The following KCNIP4 variants were observed in gnomAD, a reference collection of about 807,000 sequenced individuals.
The protein encoded by KCNIP4 is Kv channel-interacting protein 4.
Under a neutral mutation model 34.0 loss-of-function variants are expected in KCNIP4, and 12 were observed. The ratio of observed to expected loss-of-function variants is 0.35; its 90% CI spans 0.23 to 0.57. The LOEUF (loss-of-function observed/expected upper bound fraction) is 0.57. Ranked by LOEUF, KCNIP4 falls within the 20% of genes least tolerant of loss-of-function variation. The probability of loss-of-function intolerance (pLI) is 0.83; values close to 1 mark genes in which losing one functional copy is unlikely to be tolerated. For synonymous variants in KCNIP4, 124 were observed against 102.2 expected, an observed-to-expected ratio of 1.21 and a Z score of -1.29; for missense variants, 238 against 311.7, an observed-to-expected ratio of 0.76 and a Z score of 1.78.
intron 1 of KCNIP4, among the ~76,000 whole-genome samples, chr4:21,200,157 T>C (rs1756360902): frequency 1.3e-5 from 2 of 151,928 alleles, no homozygotes; most frequent in South Asian, 4.2e-4. Context: ...AACCTGCACA[T>C]TGTGCACATG....
At chr4:20,753,610 A>G (rs767114409) in intron 4 of KCNIP4, among the ~76,000 whole-genome samples, 9 of 152,162 alleles carry the variant, frequency 5.9e-5, no homozygotes, top group Admixed American at 2.0e-4. Context: ...ATTGAATTCA[A>G]GCACGAGGAA....
At chr4:20,936,323 C>G (rs1010013722) in intron 1 of KCNIP4, among the ~76,000 whole-genome samples, 16 of 152,094 alleles carry the variant, frequency 1.1e-4, no homozygotes, top group African/African-American at 3.9e-4. Context: ...CTACCTAACA[C>G]AACCATAGTA....
At chr4:21,714,236 A>G (rs1713970990) in intron 1 of KCNIP4, among the ~76,000 whole-genome samples, 1 of 152,124 alleles carries the variant, frequency 6.6e-6, no homozygotes, top group South Asian at 2.1e-4. Context: ...AAAGGCTCCT[A>G]GTGGTAAGTT....
rs184329559 is a variant in KCNIP4, at chr4:21,472,825, T to C, written c.61+475746A>G. Among the ~76,000 whole-genome samples the C allele has an allele frequency of 7.8e-3, 1,193 of 152,212 alleles. 13 individuals are homozygous for C. Among genetic ancestry groups the C allele is most frequent in the African/African-American group, 0.028 (1,148 of 41,490 alleles). On this transcript the variant is annotated intron_variant, in intron 1 of 8. Transcript: ENST00000382152. Reference sequence around the variant, plus strand: ...TTTTTCTCCTCTTCTGCAAAATGAGTGTTAAAAATCCCTATATTCTAAGAT... The same window carrying C: ...TTTTTCTCCTCTTCTGCAAAATGAGCGTTAAAAATCCCTATATTCTAAGAT...
In KCNIP4 at chr4:21,342,756, G is replaced by T. The variant is rs76921847; in HGVS notation, c.62-460047C>A. 8.5e-3 allele frequency among the ~76,000 whole-genome samples: 1,293 copies of T among 152,016 alleles called. 31 individuals carry two copies. Among genetic ancestry groups the T allele is most frequent in the African/African-American group, 0.029 (1,219 of 41,490 alleles). On this transcript the variant is annotated intron_variant, in intron 1 of 8. Transcript: ENST00000382152. The stretch of plus-strand genomic sequence containing the variant: ...AGCTTGCTATATCCCCTACAGGAAA[G>T]AAAAAAATCCTGCCACTTACGTATA...
At chr4:21,799,088 G>A (rs530623670) in intron 1 of KCNIP4, among the ~76,000 whole-genome samples, 4 of 152,088 alleles carry the variant, frequency 2.6e-5, no homozygotes, top group African/African-American at 9.6e-5. Flanking sequence ...GAAAGTATGA[G>A]CATACTAAGA....
intron 1 of KCNIP4, among the ~76,000 whole-genome samples, chr4:20,956,427 C>T (rs984550821): frequency 2.0e-5 from 3 of 151,986 alleles, no homozygotes; most frequent in Non-Finnish European, 4.4e-5. Flanking sequence ...ATGGCATAAA[C>T]CCGGGAGGTG....
At chr4:21,039,107 C>A (rs1434517397) in intron 1 of KCNIP4, among the ~76,000 whole-genome samples, 2 of 152,110 alleles carry the variant, frequency 1.3e-5, no homozygotes, top group Non-Finnish European at 2.9e-5. Context: ...TGCCTGTAAT[C>A]CCAGCACTTT....
intron 1 of KCNIP4, among the ~76,000 whole-genome samples, chr4:21,928,847 A>T (rs540816873): frequency 6.6e-6 from 1 of 151,814 alleles, no homozygotes; most frequent in East Asian, 2.0e-4. Context: ...AAGAGACTCA[A>T]TACCCCATAT....
chr4:21,849,335 T>A (rs1724224506), intron 1 of KCNIP4: 1 of 152,174 alleles, frequency 6.6e-6, no homozygotes. Context: ...TGAACCACTG[T>A]GTTAGCACGT....
At chr4:21,209,639 C>T (rs1037279952) in intron 1 of KCNIP4, among the ~76,000 whole-genome samples, 3 of 152,144 alleles carry the variant, frequency 2.0e-5, no homozygotes, top group South Asian at 4.1e-4. Context: ...ATCTATCTAT[C>T]TATCATATCT....
intron 3 of KCNIP4, among the ~76,000 whole-genome samples, chr4:20,838,671 G>C (rs963055976): frequency 6.6e-6 from 1 of 152,126 alleles, no homozygotes; most frequent in Non-Finnish European, 1.5e-5. Flanking sequence ...CCAGTTTATA[G>C]GATATAGATG....
At chr4:20,820,805 C>A (rs928973143) in intron 3 of KCNIP4, among the ~76,000 whole-genome samples, 1 of 152,154 alleles carries the variant, frequency 6.6e-6, no homozygotes, top group African/African-American at 2.4e-5. Context: ...AATTTCTGCT[C>A]CACCCATTCC....
rs961794316 is a variant in KCNIP4, at chr4:21,759,937, G to A, written c.61+188634C>T. Among the ~76,000 whole-genome samples the A allele has an allele frequency of 1.3e-5, 2 of 151,856 alleles. 1 individual carries two copies. Among genetic ancestry groups the A allele is most frequent in the South Asian group, 4.2e-4 (2 of 4,814 alleles). On this transcript the variant is annotated intron_variant, in intron 1 of 8. Transcript: ENST00000382152. ...GCTCCTTTAGATTTCTGCTCTCAATGTCTTTGCTCTTCTTTCTATTTTCAT... is the reference window on the plus strand; with the variant it reads ...GCTCCTTTAGATTTCTGCTCTCAATATCTTTGCTCTTCTTTCTATTTTCAT...
intron 1 of KCNIP4, among the ~76,000 whole-genome samples, chr4:21,443,523 T>C (rs1475534022): frequency 2.0e-5 from 3 of 152,238 alleles, no homozygotes; most frequent in Non-Finnish European, 4.4e-5. Flanking sequence ...ATGGGTCGAC[T>C]ATACCCAATC....
chr4:20,787,803 TTTA>T (rs1212344875), intron 3 of KCNIP4, among the ~76,000 whole-genome samples: 3 of 152,144 alleles, frequency 2.0e-5, no homozygotes, highest in African/African-American at 7.2e-5. Flanking sequence ...TCCAGCATAA[TTTA>T]TTTTTAATTG....
intron 1 of KCNIP4, among the ~76,000 whole-genome samples, chr4:21,937,706 T>C (rs1729939694): frequency 6.6e-6 from 1 of 152,138 alleles, no homozygotes; most frequent in Non-Finnish European, 1.5e-5. Context: ...GGTAAATGTA[T>C]GCCACCCAAC....
At chr4:21,458,359 T>C (rs1046785493) in intron 1 of KCNIP4, among the ~76,000 whole-genome samples, 5 of 151,890 alleles carry the variant, frequency 3.3e-5, no homozygotes, top group African/African-American at 1.2e-4. Context: ...TTCCATGGTG[T>C]ATATGTGCCA....
intron 1 of KCNIP4, among the ~76,000 whole-genome samples, chr4:21,667,282 G>A (rs1256082065): frequency 6.6e-6 from 1 of 152,170 alleles, no homozygotes; most frequent in Non-Finnish European, 1.5e-5. Context: ...TATGGAGATA[G>A]GATATTTGAG....
Sources: gnomAD v4.1 joint callset for allele counts (sites outside exome capture counted in the v4.1 genomes callset) on GRCh38, gnomAD v4.1.1 for gene constraint, MANE v1.5 for transcripts, NCBI Gene and HGNC (gene_info 2026-07-23, HGNC 2026-07-21) for gene names.